The following ANKIB1 variants were observed in gnomAD, a reference collection of about 807,000 sequenced individuals.
The protein encoded by ANKIB1 is ankyrin repeat and IBR domain-containing protein 1.
A neutral mutation model predicts 122.1 loss-of-function variants in ANKIB1; 43 were observed. The ratio of observed to expected loss-of-function variants is 0.35; its 90% CI spans 0.28 to 0.45. The LOEUF (loss-of-function observed/expected upper bound fraction) is 0.45. Among genes scored for constraint, ANKIB1 ranks in the 20% least tolerant of loss-of-function variants. The pLI is 1.00. For missense variants in ANKIB1, 992 were observed against 1,329.5 expected (o/e 0.75, Z 3.95); for synonymous variants, 390 against 442.0 (o/e 0.88, Z 1.48).
intron 7 of ANKIB1, chr7:92,348,036 TC>T: frequency 2.3e-6 from 1 of 435,680 alleles, no homozygotes; most frequent in South Asian, 1.7e-5. Flanking sequence ...GCCCCAGATT[TC>T]TCTCTTTTAG....
intron 5 of ANKIB1, 41 bp from the exon 6 acceptor site, chr7:92,342,983 A>G (rs760898191): frequency 6.4e-7 from 1 of 1,562,814 alleles, no homozygotes; most frequent in South Asian, 1.1e-5. Flanking sequence ...ACATTACCAT[A>G]TTTTCTTTTT....
At chr7:92,347,823 A>G (rs1365798984) in intron 7 of ANKIB1, 1 of 234,934 alleles carries the variant, frequency 4.3e-6, no homozygotes, top group African/African-American at 2.3e-5. Context: ...AGTGGTGATA[A>G]TAGTATGTGC....
intron 7 of ANKIB1, among the ~76,000 whole-genome samples, chr7:92,347,141 C>A (rs1009137977): frequency 6.6e-6 from 1 of 152,208 alleles, no homozygotes; most frequent in Non-Finnish European, 1.5e-5. Context: ...TCTTATTCTT[C>A]CCAAACTTTT....
chr7:92,250,700 GA>G (rs1298539779), intron 1 of ANKIB1, among the ~76,000 whole-genome samples: 1 of 152,176 alleles, frequency 6.6e-6, no homozygotes, highest in Non-Finnish European at 1.5e-5. Flanking sequence ...TTTCTGCAAT[GA>G]AAATGTATTC....
chr7:92,375,751 G>A (rs1266433189), intron 11 of ANKIB1, among the ~76,000 whole-genome samples: 1 of 152,166 alleles, frequency 6.6e-6, no homozygotes, highest in Non-Finnish European at 1.5e-5. Flanking sequence ...CATCTAGAAT[G>A]GTGAATCCTT....
intron 1 of ANKIB1, among the ~76,000 whole-genome samples, chr7:92,286,502 G>A (rs1273432221): frequency 6.8e-6 from 1 of 148,106 alleles, no homozygotes; most frequent in Non-Finnish European, 1.5e-5. Flanking sequence ...TTTTTGAGAC[G>A]GAGTTTCGCT....
chr7:92,260,682 CAAA>C (rs767407554), intron 1 of ANKIB1, among the ~76,000 whole-genome samples: 4 of 115,470 alleles, frequency 3.5e-5, no homozygotes, highest in South Asian at 2.7e-4. Context: ...GACCCTGTCT[CAAA>C]AAAAAAAAAA....
intron 9 of ANKIB1, among the ~76,000 whole-genome samples, chr7:92,361,520 G>A (rs917163989): frequency 6.6e-6 from 1 of 152,142 alleles, no homozygotes; most frequent in Non-Finnish European, 1.5e-5. Context: ...GTAATGGCCA[G>A]GAATACACCT....
intron 15 of ANKIB1, 49 bp from the exon 16 acceptor site, chr7:92,391,117 G>T: frequency 6.8e-7 from 1 of 1,481,468 alleles, no homozygotes; most frequent in South Asian, 1.5e-5. Flanking sequence ...ATTTGCTATT[G>T]ATTAACCTAT....
intron 1 of ANKIB1, among the ~76,000 whole-genome samples, chr7:92,272,122 T>C (rs889503528): frequency 6.6e-6 from 1 of 152,180 alleles, no homozygotes; most frequent in African/African-American, 2.4e-5. Context: ...ACAATGTGCA[T>C]ATACTTAATG....
intron 19 of ANKIB1, 40 bp downstream of exon 19, chr7:92,397,899 CTT>C (rs1487212612): frequency 6.3e-7 from 1 of 1,579,600 alleles, no homozygotes; most frequent in African/African-American, 1.4e-5. Flanking sequence ...TGCTTTTACT[CTT>C]TCTCTGCTGA....
intron 5 of ANKIB1, among the ~76,000 whole-genome samples, chr7:92,335,319 T>C (rs547332762): frequency 6.6e-6 from 1 of 152,134 alleles, no homozygotes; most frequent in East Asian, 1.9e-4. Flanking sequence ...TCTGTCTTGA[T>C]GACTATATCA....
intron 1 of ANKIB1, among the ~76,000 whole-genome samples, chr7:92,271,716 A>G (rs1801797765): frequency 6.6e-6 from 1 of 152,232 alleles, no homozygotes; most frequent in Non-Finnish European, 1.5e-5. Context: ...GCAGGAATCT[A>G]GATTGAGTAG....
At chr7:92,260,818 G>T (rs997240197) in intron 1 of ANKIB1, among the ~76,000 whole-genome samples, 1 of 152,088 alleles carries the variant, frequency 6.6e-6, no homozygotes, top group African/African-American at 2.4e-5. Flanking sequence ...TTTTGTTCCT[G>T]CTGCATTCCC....
In ANKIB1 at chr7:92,301,624, G is replaced by T. The variant is rs572194826; in HGVS notation, c.189-5735G>T. 4.6e-5 allele frequency among the ~76,000 whole-genome samples: 7 copies of T among 152,066 alleles called. No individual in the cohort carries two copies. The South Asian group carries it at 1.2e-3, about 27-fold the overall frequency. ...GTATGGTTTGCAAATGTATTTTCCA[G>T]TTCTACAGGTTGCCTTTTCATTTTG... On this transcript the variant is annotated intron_variant, in intron 2 of 19. Transcript: ENST00000265742.
chr7:92,274,505 G>A (rs1374764719), intron 1 of ANKIB1, among the ~76,000 whole-genome samples: 1 of 151,764 alleles, frequency 6.6e-6, no homozygotes, highest in Non-Finnish European at 1.5e-5. Flanking sequence ...GCATAAGGAT[G>A]TTTGCCATGT....
intron 7 of ANKIB1, among the ~76,000 whole-genome samples, chr7:92,349,282 C>A (rs1803608447): frequency 6.6e-6 from 1 of 152,134 alleles, no homozygotes; most frequent in South Asian, 2.1e-4. Context: ...GCTAAAGATA[C>A]TGCTAGGTTT....
intron 11 of ANKIB1, among the ~76,000 whole-genome samples, chr7:92,385,751 A>G (rs1804626636): frequency 6.6e-6 from 1 of 152,134 alleles, no homozygotes. Context: ...GGATGGGGGA[A>G]GGATAGCATT....
chr7:92,391,506 C>T (rs4729038), intron 16 of ANKIB1, among the ~76,000 whole-genome samples, 162 bp downstream of exon 16: 4 of 150,332 alleles, frequency 2.7e-5, no homozygotes, highest in Admixed American at 2.6e-4. Flanking sequence ...TTTTTTTTTT[C>T]CTCCATGCTA....
Sources: allele counts gnomAD v4.1 joint callset (sites outside exome capture counted in the v4.1 genomes callset), GRCh38; gene constraint gnomAD v4.1.1; transcripts MANE v1.5; gene names NCBI Gene and HGNC (gene_info 2026-07-23, HGNC 2026-07-21).